Variants in PTPRN2 observed in about 807,000 individuals in gnomAD.
The protein encoded by PTPRN2 is receptor-type tyrosine-protein phosphatase N2.
A neutral mutation model predicts 118.8 loss-of-function variants in PTPRN2; 74 were observed. The observed-to-expected ratio is 0.62, with a 90% CI of 0.52 to 0.76. The LOEUF (loss-of-function observed/expected upper bound fraction) is 0.76. Among genes scored for constraint, PTPRN2 ranks in the 30% least tolerant of loss-of-function variants. The pLI, the probability that PTPRN2 is intolerant of heterozygous loss-of-function variation, is 0.00. For synonymous variants in PTPRN2, 641 were observed against 608.0 expected, an observed-to-expected ratio of 1.05 and a Z score of -0.80; for missense variants, 1,481 against 1,394.4, an observed-to-expected ratio of 1.06 and a Z score of -0.99.
intron 13 of PTPRN2, among the ~76,000 whole-genome samples, chr7:157,662,710 G>A (rs975779875): frequency 6.6e-6 from 1 of 152,294 alleles, no homozygotes; most frequent in East Asian, 1.9e-4. Context: ...AGAAGGGGCC[G>A]CCACTCCCTA....
intron 6 of PTPRN2, among the ~76,000 whole-genome samples, chr7:158,151,004 C>A (rs985831745): frequency 1.4e-4 from 21 of 149,926 alleles, no homozygotes; most frequent in Non-Finnish European, 2.8e-4. Context: ...CCTCATGCTG[C>A]CTCCTATGCG....
chr7:157,714,961 G>C (rs1441502767), intron 12 of PTPRN2, among the ~76,000 whole-genome samples: 3 of 139,804 alleles, frequency 2.1e-5, no homozygotes, highest in Non-Finnish European at 4.7e-5. Flanking sequence ...CGCTTTCCGA[G>C]GCCAGCTCCC....
intron 12 of PTPRN2, among the ~76,000 whole-genome samples, chr7:157,884,199 A>T (rs561290114): frequency 3.3e-5 from 5 of 152,234 alleles, no homozygotes; most frequent in Non-Finnish European, 2.9e-5. Context: ...CCATCCAAAA[A>T]TGACTGTCAG....
chr7:157,568,669 C>T (rs943108499), intron 21 of PTPRN2, among the ~76,000 whole-genome samples: 8 of 151,514 alleles, frequency 5.3e-5, no homozygotes, highest in African/African-American at 1.9e-4. Context: ...ATGCTCGGCA[C>T]GCAGAGGCAG....
intron 11 of PTPRN2, among the ~76,000 whole-genome samples, chr7:158,071,386 T>C (rs1432314441): frequency 8.8e-6 from 1 of 113,180 alleles, no homozygotes; most frequent in Non-Finnish European, 1.9e-5. Flanking sequence ...GAGGTGCTCG[T>C]GGTGGAGGTG....
At chr7:158,538,968 A>T (rs1825810210) in intron 1 of PTPRN2, among the ~76,000 whole-genome samples, 1 of 151,950 alleles carries the variant, frequency 6.6e-6, no homozygotes, top group South Asian at 2.1e-4. Context: ...GGCAGCACGA[A>T]CCCCCCAGGG....
chr7:157,738,381 A>G (rs1369296972), intron 12 of PTPRN2, among the ~76,000 whole-genome samples: 1 of 152,128 alleles, frequency 6.6e-6, no homozygotes, highest in East Asian at 1.9e-4. Context: ...CAGAGGAGCG[A>G]AGGGAGGAGG....
chr7:157,849,640 C>T (rs536271857), intron 12 of PTPRN2, among the ~76,000 whole-genome samples: 2 of 152,314 alleles, frequency 1.3e-5, no homozygotes, highest in Non-Finnish European at 2.9e-5. Context: ...ACACAAAACC[C>T]ATCTAAATGG....
chr7:158,288,117 A>G (rs1430978861), intron 3 of PTPRN2, among the ~76,000 whole-genome samples: 3 of 151,338 alleles, frequency 2.0e-5, no homozygotes, highest in Admixed American at 2.0e-4. Flanking sequence ...TAGCACTTCT[A>G]CTCTCTTTTG....
chr7:158,326,937 A>C (rs918582921), intron 2 of PTPRN2, among the ~76,000 whole-genome samples: 2 of 150,154 alleles, frequency 1.3e-5, no homozygotes, highest in Non-Finnish European at 2.9e-5. Context: ...ACATGCACAC[A>C]TACACATTTT....
At chr7:158,274,243 CGGGAGCCGCAGACACG>C (rs1375601640) in intron 3 of PTPRN2, among the ~76,000 whole-genome samples, 4 of 110,978 alleles carry the variant, frequency 3.6e-5, no homozygotes, top group African/African-American at 1.4e-4. Flanking sequence ...GCCACAGACA[CGGGAGCCGCAGACACG>C]GGGAGCCGCA....
At chr7:157,567,299 G>A (rs1480929601) in intron 21 of PTPRN2, among the ~76,000 whole-genome samples, 1 of 152,176 alleles carries the variant, frequency 6.6e-6, no homozygotes, top group African/African-American at 2.4e-5. Flanking sequence ...GTTTTTGTTT[G>A]CACATTCCCA....
intron 3 of PTPRN2, among the ~76,000 whole-genome samples, chr7:158,248,891 C>A (rs1419643787): frequency 6.4e-5 from 1 of 15,714 alleles, no homozygotes; most frequent in Non-Finnish European, 1.4e-4. Flanking sequence ...GCATCACACG[C>A]AGCACATATG....
At chr7:158,130,352 GAC>G (rs1464946284) in intron 9 of PTPRN2, among the ~76,000 whole-genome samples, 2 of 151,054 alleles carry the variant, frequency 1.3e-5, no homozygotes, top group Non-Finnish European at 3.0e-5. Context: ...ACATCTACCC[GAC>G]ACACACACTC....
At chr7:157,612,967 ACACAG>A (rs1402444495) in intron 15 of PTPRN2, among the ~76,000 whole-genome samples, 2 of 152,062 alleles carry the variant, frequency 1.3e-5, no homozygotes, top group Non-Finnish European at 2.9e-5. Context: ...CTCCGTGAAG[ACACAG>A]CAGCTCCGGA....
chr7:158,263,545 C>G (rs1797678619), intron 3 of PTPRN2, among the ~76,000 whole-genome samples: 1 of 152,238 alleles, frequency 6.6e-6, no homozygotes, highest in African/African-American at 2.4e-5. Flanking sequence ...TCAGCTTGCT[C>G]TGGAGGACTT....
Position 158,157,957 on chromosome 7 carries a change from G to A in PTPRN2, c.910+8974C>T, listed in dbSNP as rs185770958. 2.4e-3 allele frequency among the ~76,000 whole-genome samples: 365 copies of A among 152,322 alleles called. 1 individual carries two copies. The highest frequency in any genetic ancestry group is 8.6e-3 in the African/African-American group (359 of 41,564). On this transcript the variant is annotated intron_variant, in intron 6 of 22. Transcript: ENST00000389418. Reference sequence around the variant, plus strand: ...GAGGGTGCTCGTGAACTCCAGCCAGGGGCATGGATCCGAGATTAACAATTT... The same window carrying A: ...GAGGGTGCTCGTGAACTCCAGCCAGAGGCATGGATCCGAGATTAACAATTT...
At chr7:157,702,789 C>T (rs765019350) in intron 12 of PTPRN2, among the ~76,000 whole-genome samples, 4 of 152,206 alleles carry the variant, frequency 2.6e-5, no homozygotes, top group South Asian at 2.1e-4. Context: ...TTCAAACACC[C>T]GCCGTCCTGC....
intron 6 of PTPRN2, among the ~76,000 whole-genome samples, chr7:158,150,545 G>A (rs566945952): frequency 2.0e-5 from 3 of 152,092 alleles, no homozygotes; most frequent in Admixed American, 6.5e-5. Context: ...AGCTCCTGGA[G>A]CCCAGAAACA....
Sources: gnomAD v4.1 joint callset for allele counts (sites outside exome capture counted in the v4.1 genomes callset) on GRCh38, gnomAD v4.1.1 for gene constraint, MANE v1.5 for transcripts, NCBI Gene and HGNC (gene_info 2026-07-23, HGNC 2026-07-21) for gene names.